CSMD1: variants seen among roughly 807,000 people sequenced by gnomAD.
CSMD1 encodes CUB and Sushi multiple domains 1, also known as CUB and sushi domain-containing protein 1.
Under a neutral mutation model 417.5 loss-of-function variants are expected in CSMD1, and 213 were observed. The ratio of observed to expected loss-of-function variants is 0.51; its 90% CI spans 0.46 to 0.57. The LOEUF (loss-of-function observed/expected upper bound fraction) is 0.57. Ranked by LOEUF, CSMD1 falls within the 20% of genes least tolerant of loss-of-function variation. CSMD1 has a pLI of 0.00. For synonymous variants in CSMD1, 2,862 were observed against 1,736.8 expected, an observed-to-expected ratio of 1.65 and a Z score of -16.11; for missense variants, 6,923 against 4,529.7, an observed-to-expected ratio of 1.53 and a Z score of -15.17.
chr8:4,873,856 G>A (rs1802879907), intron 1 of CSMD1, among the ~76,000 whole-genome samples: 1 of 152,054 alleles, frequency 6.6e-6, no homozygotes, highest in South Asian at 2.1e-4. Flanking sequence ...AAGGTGATTA[G>A]ATGAATACTT....
chr8:3,837,564 T>G (rs139410533), intron 5 of CSMD1, among the ~76,000 whole-genome samples: 1 of 152,260 alleles, frequency 6.6e-6, no homozygotes, highest in Non-Finnish European at 1.5e-5. Flanking sequence ...TTACCAATAA[T>G]GATACTTGAA....
At chr8:3,915,126 T>G (rs11779551) in intron 5 of CSMD1, among the ~76,000 whole-genome samples, 1 of 151,752 alleles carries the variant, frequency 6.6e-6, no homozygotes, top group Non-Finnish European at 1.5e-5. Context: ...AGGTAGCAGG[T>G]TGGGAGTAGT....
intron 2 of CSMD1, among the ~76,000 whole-genome samples, chr8:4,511,467 G>A (rs1209880300): frequency 6.6e-6 from 1 of 152,106 alleles, no homozygotes; most frequent in Non-Finnish European, 1.5e-5. Context: ...AGTTTCTTCT[G>A]GTTTCCTGTT....
chr8:3,779,890 T>C (rs2623661), intron 5 of CSMD1, among the ~76,000 whole-genome samples: 1 of 152,204 alleles, frequency 6.6e-6, no homozygotes, highest in Non-Finnish European at 1.5e-5. Flanking sequence ...TCATTTATTT[T>C]TTTCTCTCAT....
Position 2,936,091 on chromosome 8 carries a change from T to G in CSMD1, c.*2494A>C, listed in dbSNP as rs1005140757. The G allele has an allele frequency of 6.6e-6, 1 of 152,022 alleles. No homozygotes were observed. The highest frequency in any genetic ancestry group is 2.4e-5 in the African/African-American group (1 of 41,390). The allele number at this position is 152,022 out of a possible 1,614,324, so 9.4% of individuals were successfully genotyped here. ...ACTGCACACAACCTTAGGAAGAAAC[T>G]AGGCAGAATTCTCACACGAGAATTT... On this transcript the variant is annotated 3_prime_UTR_variant, in exon 70 of 70. Transcript: ENST00000635120.
intron 3 of CSMD1, among the ~76,000 whole-genome samples, chr8:4,248,639 T>G (rs541483899): frequency 1.3e-5 from 2 of 152,282 alleles, no homozygotes; most frequent in South Asian, 4.1e-4. Flanking sequence ...TCACTTCATT[T>G]TACACCATTA....
chr8:4,500,475 G>C (rs1026591389), intron 2 of CSMD1, among the ~76,000 whole-genome samples: 3 of 152,148 alleles, frequency 2.0e-5, no homozygotes, highest in Non-Finnish European at 4.4e-5. Context: ...CCAGAAACAA[G>C]AGAATACGGA....
At chr8:4,657,375 G>A (rs541759977) in intron 1 of CSMD1, among the ~76,000 whole-genome samples, 1 of 152,188 alleles carries the variant, frequency 6.6e-6, no homozygotes, top group South Asian at 2.1e-4. Context: ...TTTCCTTTCT[G>A]CCTCTCTTTT....
intron 10 of CSMD1, among the ~76,000 whole-genome samples, chr8:3,568,357 A>G (rs955486025): frequency 9.2e-5 from 14 of 152,174 alleles, no homozygotes; most frequent in African/African-American, 2.9e-4. Context: ...TTGTGCTTGT[A>G]TAATACACCT....
intron 21 of CSMD1, among the ~76,000 whole-genome samples, chr8:3,348,954 C>A (rs1025335216): frequency 4.6e-5 from 7 of 152,122 alleles, no homozygotes; most frequent in Admixed American, 3.3e-4. Flanking sequence ...AAGTCCAATA[C>A]GATCACAGAA....
At position 4,686,589 on chromosome 8, in the gene CSMD1, G is replaced by C. The variant is rs575546286; in HGVS notation, c.86-49031C>G. Reference sequence around the variant, plus strand: ...ATAAGCATTAGATCACAAGTCCTTCGTCCAGTCTCACGTCCCGACGTCTGG... The same window carrying C: ...ATAAGCATTAGATCACAAGTCCTTCCTCCAGTCTCACGTCCCGACGTCTGG... On this transcript the variant is annotated intron_variant, in intron 1 of 69. Coordinates refer to ENST00000635120, the MANE Select transcript of CSMD1 (RefSeq NM_033225.6). Among the ~76,000 whole-genome samples, 3 of 152,198 alleles carry C rather than the reference G, an allele frequency of 2.0e-5. No individual in the cohort carries two copies. In the South Asian group the frequency reaches 6.2e-4, roughly 31 times the overall value.
chr8:3,309,281 G>C (rs62504432), intron 23 of CSMD1, among the ~76,000 whole-genome samples: 1 of 151,722 alleles, frequency 6.6e-6, no homozygotes, highest in East Asian at 1.9e-4. Flanking sequence ...CCACCTTCCC[G>C]ACAACTTCTT....
intron 1 of CSMD1, among the ~76,000 whole-genome samples, chr8:4,888,640 T>C (rs375670909): frequency 2.0e-5 from 3 of 152,146 alleles, no homozygotes; most frequent in South Asian, 4.1e-4. Context: ...GGTAAACAGA[T>C]CTTCACCATA....
intron 3 of CSMD1, among the ~76,000 whole-genome samples, chr8:4,219,275 A>T (rs1402323994): frequency 1.3e-5 from 2 of 152,172 alleles, no homozygotes; most frequent in African/African-American, 4.8e-5. Flanking sequence ...ATATGTGATT[A>T]TTTCTTTCAG....
chr8:3,642,747 G>C lies in CSMD1; in HGVS notation c.1010-25950C>G, dbSNP rs189447575. The stretch of plus-strand genomic sequence containing the variant: ...GTAAAAGAAAGACTAGAAAACACGA[G>C]TATGGAACAAGAAGGCAATAAACGC... On this transcript the variant is annotated intron_variant, in intron 7 of 69. Transcript: ENST00000635120. Among the ~76,000 whole-genome samples, 6 of 152,174 alleles carry C rather than the reference G, an allele frequency of 3.9e-5. No individual in the cohort carries two copies. In the East Asian group the frequency reaches 1.2e-3, roughly 29 times the overall value.
intron 1 of CSMD1, among the ~76,000 whole-genome samples, chr8:4,744,726 T>C (rs929133564): frequency 1.3e-5 from 2 of 152,222 alleles, no homozygotes; most frequent in African/African-American, 4.8e-5. Flanking sequence ...GGTTTAATGA[T>C]AATTATACTA....
At chr8:3,740,626 G>T (rs1796750695) in intron 6 of CSMD1, among the ~76,000 whole-genome samples, 1 of 152,170 alleles carries the variant, frequency 6.6e-6, no homozygotes. Context: ...TTTGATGCTG[G>T]TAAAGAGACA....
chr8:3,480,969 A>G (rs1329396737), intron 11 of CSMD1, among the ~76,000 whole-genome samples: 2 of 151,862 alleles, frequency 1.3e-5, no homozygotes, highest in African/African-American at 4.8e-5. Context: ...ATCCTGGCTA[A>G]CATAGTGAAA....
At chr8:4,271,942 C>G (rs1804625124) in intron 3 of CSMD1, among the ~76,000 whole-genome samples, 2 of 152,152 alleles carry the variant, frequency 1.3e-5, no homozygotes, top group Admixed American at 6.6e-5. Context: ...ACCTGCCCTA[C>G]AGATCTCATG....
Sources: allele counts gnomAD v4.1 joint callset (sites outside exome capture counted in the v4.1 genomes callset), GRCh38; gene constraint gnomAD v4.1.1; transcripts MANE v1.5; gene names NCBI Gene and HGNC (gene_info 2026-07-23, HGNC 2026-07-21).